Variants in SLC27A5 observed in about 807,000 individuals in gnomAD.
SLC27A5 encodes the protein solute carrier family 27 member 5.
SLC27A5 carries 47 observed loss-of-function variants against 63.1 expected under a neutral mutation model. The observed-to-expected ratio is 0.74, with a 90% CI of 0.59 to 0.95. The LOEUF (loss-of-function observed/expected upper bound fraction) is 0.95, where lower values mean the gene tolerates loss of function less well. Among genes scored for constraint, SLC27A5 ranks in the 40% least tolerant of loss-of-function variants. The pLI is 0.00. For synonymous variants in SLC27A5, 391 were observed against 403.8 expected, an observed-to-expected ratio of 0.97 and a Z score of 0.38; for missense variants, 940 against 921.0, an observed-to-expected ratio of 1.02 and a Z score of -0.27.
chr19:58,500,518 G>T lies in SLC27A5; in HGVS notation c.1371C>A (p.Leu457=), dbSNP rs750777045. 6.2e-7 allele frequency: 1 copy of T among 1,613,976 alleles called. No homozygotes were observed. Among genetic ancestry groups the T allele is most frequent in the Non-Finnish European group, 8.5e-7 (1 of 1,179,972 alleles). Residue 457 remains leucine (L), a synonymous_variant, in exon 5 of 10, where the codon CTC becomes CTA. Transcript: ENST00000263093. ...CAGGTACCCGCACACTCACTCGGAG[G>T]AGGCAGCTCATCTTGCCCAGGGCCC... ...RCGALGKMSC[L]LRMLSPFELV... is the part of the protein sequence containing the mutation.
chr19:58,503,106 G>T (rs766460962), intron 3 of SLC27A5, among the ~76,000 whole-genome samples: 28 of 151,934 alleles, frequency 1.8e-4, no homozygotes, highest in Non-Finnish European at 7.4e-5. Context: ...TCGGGAGGCT[G>T]AGGCAGGAGA....
intron 3 of SLC27A5, 124 bp from the exon 4 acceptor site, chr19:58,501,534 T>C: frequency 9.0e-7 from 1 of 1,112,026 alleles, no homozygotes; most frequent in Admixed American, 2.6e-5. Context: ...AGTTCATCTT[T>C]GTGTCCTTGG....
At position 58,509,902 on chromosome 19, in the gene SLC27A5, C is replaced by T. The variant is rs1408299200; in HGVS notation, c.1002G>A (p.Leu334=). 2 of 1,614,020 alleles carry T rather than the reference C, an allele frequency of 1.2e-6. No individual in the cohort carries two copies. Among genetic ancestry groups the T allele is most frequent in the South Asian group, 1.1e-5 (1 of 91,074 alleles). ...ATADDVVYTV[L]PLYHVMGLVV... ...CAAGTCCCATCACGTGGTACAGAGG[C>T]AGGACCGTGTAAACCACATCATCAG... The change falls in exon 3 of 10, where the codon CTG becomes CTA. Residue 334 remains leucine (L), a synonymous_variant. Coordinates refer to ENST00000263093, the MANE Select transcript of SLC27A5 (RefSeq NM_012254.3).
At chr19:58,503,944 C>A (rs1326012087) in intron 3 of SLC27A5, among the ~76,000 whole-genome samples, 2 of 152,110 alleles carry the variant, frequency 1.3e-5, no homozygotes, top group Non-Finnish European at 2.9e-5. Context: ...GAAACCCTGT[C>A]TTTACTAAAA....
chr19:58,500,991 G>C, intron 4 of SLC27A5: 4 of 1,292,528 alleles, frequency 3.1e-6, no homozygotes, highest in Non-Finnish European at 3.9e-6. Flanking sequence ...TAGTTACCTA[G>C]AACTTTAATT....
chr19:58,506,595 TAAC>T (rs1379610976), intron 3 of SLC27A5, among the ~76,000 whole-genome samples: 1 of 150,488 alleles, frequency 6.6e-6, no homozygotes, highest in Non-Finnish European at 1.5e-5. Context: ...GGCAACATGT[TAAC>T]AATTATTGAT....
intron 3 of SLC27A5, among the ~76,000 whole-genome samples, chr19:58,502,945 G>A (rs1346471055): frequency 2.6e-5 from 4 of 151,880 alleles, no homozygotes; most frequent in East Asian, 3.9e-4. Context: ...GGATCGTCAC[G>A]CCTGTAATCC....
intron 3 of SLC27A5, among the ~76,000 whole-genome samples, chr19:58,502,818 G>A (rs1191877959): frequency 6.7e-6 from 1 of 149,880 alleles, no homozygotes; most frequent in Non-Finnish European, 1.5e-5. Flanking sequence ...TGGACAGTTA[G>A]AGTAGTGAGT....
At chr19:58,507,317 C>G (rs996414450) in intron 3 of SLC27A5, 3 of 152,618 alleles carry the variant, frequency 2.0e-5, no homozygotes, top group African/African-American at 7.2e-5. Context: ...GGACCCCTAA[C>G]AGACGGACCG....
At chr19:58,507,863 G>C (rs2053364644) in intron 3 of SLC27A5, 1 of 152,118 alleles carries the variant, frequency 6.6e-6, no homozygotes, top group African/African-American at 2.4e-5. Flanking sequence ...GCTTACTAGG[G>C]TGGGGAAAAA....
At chr19:58,498,758 C>T (rs2053237596) in intron 9 of SLC27A5, 27 bp downstream of exon 9, 1 of 1,611,834 alleles carries the variant, frequency 6.2e-7, no homozygotes. Context: ...GATCTTCCAC[C>T]CACCCACCAG....
At position 58,499,580 on chromosome 19, in the gene SLC27A5, C is replaced by A; in HGVS notation, c.1579G>T (p.Gly527Cys). The A allele has an allele frequency of 6.2e-7, 1 of 1,613,042 alleles. No homozygotes were observed. Among genetic ancestry groups the A allele is most frequent in the Non-Finnish European group, 8.5e-7 (1 of 1,179,988 alleles). Reference sequence around the variant, plus strand: ...TCCCCGGTGTTGTAGTAAACGTCGCCCGATTGCCGCACGTTGCGCACCAGC... The same window carrying A: ...TCCCCGGTGTTGTAGTAAACGTCGCACGATTGCCGCACGTTGCGCACCAGC... ...RKLVRNVRQS[G>C]DVYYNTGDVL... The change falls in exon 7 of 10, where the codon GGC becomes TGC. Residue 527 changes from glycine (G) to cysteine (C), a missense_variant. Gly to Cys is a radical substitution (Grantham distance 159). Transcript: ENST00000263093.
rs1037043600 is a variant in SLC27A5 at position 58,499,217 on chromosome 19, C to T, written c.1671G>A (p.Trp557Ter). The change falls in exon 8 of 10, where the codon TGG (tryptophan) becomes TGA (stop). Residue 557 changes from tryptophan (W) to a stop codon, truncating the protein, a stop_gained. Coordinates refer to ENST00000263093, the MANE Select transcript of SLC27A5 (RefSeq NM_012254.3). LOFTEE classifies it high-confidence loss of function. Reference protein sequence around the residue: ...FRDRLGDTFRWKGENVSTHEV... With the variant: ...FRDRLGDTFR ...CGTGCGTGGACACGTTCTCGCCCTT[C>T]CATCTGCAAGGAGGGAGCCGGCGCT... 33 of 1,613,656 alleles carry T rather than the reference C, an allele frequency of 2.0e-5. No homozygotes were observed. Among genetic ancestry groups the T allele is most frequent in the Non-Finnish European group, 2.7e-5 (32 of 1,179,934 alleles).
chr19:58,509,387 A>G (rs2053384373), intron 3 of SLC27A5: 3 of 151,892 alleles, frequency 2.0e-5, no homozygotes, highest in African/African-American at 2.4e-5. Flanking sequence ...CTCTGTCTCG[A>G]AAAAAAATAA....
chr19:58,504,289 T>C (rs543759729), intron 3 of SLC27A5, among the ~76,000 whole-genome samples: 10 of 152,326 alleles, frequency 6.6e-5, no homozygotes, highest in African/African-American at 1.7e-4. Flanking sequence ...GTTAGAGATA[T>C]GTACTGCAAT....
intron 3 of SLC27A5, chr19:58,509,076 CA>C (rs1004669085): frequency 7.1e-4 from 93 of 130,336 alleles, no homozygotes; most frequent in East Asian, 5.1e-3. Flanking sequence ...GACTCTGTCT[CA>C]AAAAAAAAAA....
intron 3 of SLC27A5, among the ~76,000 whole-genome samples, chr19:58,502,929 G>GGCAC (rs1568629127): frequency 5.3e-5 from 8 of 152,182 alleles, no homozygotes; most frequent in Non-Finnish European, 1.0e-4. Flanking sequence ...ATAGGTGGCT[G>GGCAC]GGTGAGGATC....
At chr19:58,502,318 G>T (rs1270013224) in intron 3 of SLC27A5, among the ~76,000 whole-genome samples, 1 of 150,332 alleles carries the variant, frequency 6.7e-6, no homozygotes, top group African/African-American at 2.5e-5. Context: ...AAGATGGATG[G>T]GTGAACAGTT....
In SLC27A5 at chr19:58,510,818, G is replaced by C; in HGVS notation, c.801C>G (p.Ala267=). ...CTGGGTGGGAGGGCGCTGCATCCAG[G>C]GCAGCCCCCAGAGCCCCCACCCCTG... is the stretch of plus-strand genomic sequence containing the variant. ...PTPGVGALGA[A]LDAAPSHPVP... is the part of the protein sequence containing the mutation. Residue 267 remains alanine, a synonymous_variant, in exon 2 of 10, where the codon GCC becomes GCG. Coordinates refer to ENST00000263093, the MANE Select transcript of SLC27A5 (RefSeq NM_012254.3). 1 of 1,613,528 alleles carries C rather than the reference G, an allele frequency of 6.2e-7. No homozygotes were observed. The highest frequency in any genetic ancestry group is 1.3e-5 in the African/African-American group (1 of 75,018).
Sources: gnomAD v4.1 joint callset for allele counts (sites outside exome capture counted in the v4.1 genomes callset) on GRCh38, gnomAD v4.1.1 for gene constraint, MANE v1.5 for transcripts, NCBI Gene and HGNC (gene_info 2026-07-23, HGNC 2026-07-21) for gene names.